FCGR3B: variants seen among roughly 807,000 people sequenced by gnomAD.
FCGR3B encodes the protein low affinity immunoglobulin gamma Fc region receptor III-B.
FCGR3B carries 20 observed loss-of-function variants against 26.7 expected under a neutral mutation model. The observed-to-expected ratio is 0.75, with a 90% CI of 0.53 to 1.09. The LOEUF (loss-of-function observed/expected upper bound fraction) is 1.09. FCGR3B is among the 50% of genes least tolerant of loss of function. The pLI is 0.00. For missense variants in FCGR3B, 191 were observed against 279.7 expected (o/e 0.68, Z 2.26); for synonymous variants, 79 against 107.0 (o/e 0.74, Z 1.62).
chr1:161,625,861 GAC>G (rs1456199405), intron 4 of FCGR3B, among the ~76,000 whole-genome samples: 1 of 147,994 alleles, frequency 6.8e-6, no homozygotes, highest in Non-Finnish European at 1.5e-5. Flanking sequence ...GGTAAGGAAA[GAC>G]AGAGGTATTT....
rs536720275 is a variant in FCGR3B, at chr1:161,624,115, T to C, written c.*400A>G. 1.9e-3 allele frequency: 329 copies of C among 172,396 alleles called. 14 individuals are homozygous for C. The highest frequency in any genetic ancestry group is 3.2e-3 in the Non-Finnish European group (257 of 81,178). 10.7% of individuals were successfully genotyped at this position (172,396 alleles called of 1,614,324 possible). A position where few individuals can be genotyped will look rare whatever the true frequency, so the allele number is the denominator to read the frequency against. ...TCCCTCTAAACTGGGTAATTTATAA[T>C]ACGAGCAATTTTTGTATGTTTAAAG... is the stretch of plus-strand genomic sequence containing the variant. On this transcript the variant is annotated 3_prime_UTR_variant, in exon 5 of 5. Coordinates refer to ENST00000650385, the MANE Select transcript of FCGR3B (RefSeq NM_001244753.2).
Position 161,624,468 on chromosome 1 carries a change from T to C in FCGR3B, c.*47A>G, listed in dbSNP as rs376757069. ...GGATGGGGGTCATGTGTCTTGAGGG[T>C]CCTTTCTCCATTTAAGTTTATGGTC... On this transcript the variant is annotated 3_prime_UTR_variant, in exon 5 of 5. Coordinates refer to ENST00000650385, the MANE Select transcript of FCGR3B (RefSeq NM_001244753.2). 12 of 1,590,858 alleles carry C rather than the reference T, an allele frequency of 7.5e-6. No individual in the cohort carries two copies. The highest frequency in any genetic ancestry group is 6.9e-5 in the African/African-American group (5 of 72,270).
chr1:161,628,286 A>AAAAC (rs575858540), intron 3 of FCGR3B, among the ~76,000 whole-genome samples: 1,847 of 149,844 alleles, frequency 0.012, 4 homozygotes, highest in Non-Finnish European at 0.019. Context: ...AACAAAAACA[A>AAAAC]AAACAAACAA....
upstream of FCGR3B, chr1:161,631,471 A>G (rs115802971): frequency 0.015 from 7,485 of 507,018 alleles, 856 homozygotes; most frequent in African/African-American, 0.13. Context: ...ATGGGACAGC[A>G]AGACCCTGGG....
upstream of FCGR3B, chr1:161,631,263 C>G (rs529061019): frequency 5.3e-4 from 775 of 1,475,294 alleles, 23 homozygotes; most frequent in African/African-American, 1.7e-3. Flanking sequence ...TCTGAAGTCT[C>G]GCAATGGAGC....
At chr1:161,631,462 T>C (rs1679749636), upstream of FCGR3B, 1 of 518,642 alleles carries the variant, frequency 1.9e-6, no homozygotes, top group Non-Finnish European at 3.4e-6. Flanking sequence ...GCACCAAGAA[T>C]GGGACAGCAA....
rs2102591181 is a variant in FCGR3B at position 161,627,810 on chromosome 1, C to T, written c.320-1408G>A. Reference sequence around the variant, plus strand: ...TATGACACACTGTGGACTGGAGATACCCAGATGATGGGACATATAGTTCTC... The same window carrying T: ...TATGACACACTGTGGACTGGAGATATCCAGATGATGGGACATATAGTTCTC... On this transcript the variant is annotated intron_variant, in intron 3 of 4. Coordinates refer to ENST00000650385, the MANE Select transcript of FCGR3B (RefSeq NM_001244753.2). Among the ~76,000 whole-genome samples the T allele has an allele frequency of 1.3e-5, 2 of 150,128 alleles. 1 individual carries two copies. The highest frequency in any genetic ancestry group is 3.9e-4 in the East Asian group (2 of 5,154).
rs1303287678 is a variant in FCGR3B at position 161,629,972 on chromosome 1, C to G, written c.125G>C (p.Ser42Thr). 2 of 1,379,158 alleles carry G rather than the reference C, an allele frequency of 1.5e-6. No individual in the cohort carries two copies. Among genetic ancestry groups the G allele is most frequent in the Non-Finnish European group, 9.6e-7 (1 of 1,038,772 alleles). The allele number at this position is 1,379,158 out of a possible 1,614,324, so 85.4% of individuals were successfully genotyped here. The change falls in exon 3 of 5, where the codon AGT becomes ACT. Residue 42 changes from serine (S) to threonine (T), a missense_variant. Ser to Thr is a moderately conservative substitution (Grantham distance 58). Transcript: ENST00000650385. ...PQWYSVLEKDSVTLKCQGAYS... is the reference protein window; with the variant it reads ...PQWYSVLEKDTVTLKCQGAYS... ...GGCTCCCTGGCACTTCAGAGTCACA[C>G]TGTCCTTCTCAAGCACGCTGTACCA...
In FCGR3B at chr1:161,630,840, T is replaced by A. The variant is rs1414870342; in HGVS notation, c.40+215A>T. 1.9e-5 allele frequency: 21 copies of A among 1,129,094 alleles called. 1 individual carries two copies. The highest frequency in any genetic ancestry group is 6.2e-5 in the Admixed American group (2 of 32,332). The allele number at this position is 1,129,094 out of a possible 1,614,324, so 69.9% of individuals were successfully genotyped here. Reference sequence around the variant, plus strand: ...GATTCTGGGACCCAGAGGGGTGAAGTGACTGGCCTCACTCATGACTATGAC... The same window carrying A: ...GATTCTGGGACCCAGAGGGGTGAAGAGACTGGCCTCACTCATGACTATGAC... On this transcript the variant is annotated intron_variant, in intron 1 of 4. Transcript: ENST00000650385.
intron 4 of FCGR3B, among the ~76,000 whole-genome samples, chr1:161,625,060 A>T (rs1570980269): frequency 7.0e-6 from 1 of 143,792 alleles, no homozygotes; most frequent in East Asian, 1.9e-4. Context: ...TAGTATAAAG[A>T]AATCTCGTAT....
intron 1 of FCGR3B, chr1:161,630,792 G>T: frequency 2.9e-6 from 2 of 699,952 alleles, no homozygotes; most frequent in Admixed American, 6.5e-5. Context: ...CCATCTAGTC[G>T]AAGCTCTTTG....
At chr1:161,627,486 T>C (rs571388332) in intron 3 of FCGR3B, among the ~76,000 whole-genome samples, 1 of 150,710 alleles carries the variant, frequency 6.6e-6, no homozygotes, top group South Asian at 2.1e-4. Context: ...TACTACCTGA[T>C]GCTAAACAAA....
rs1165252392 is a variant in FCGR3B at position 161,623,785 on chromosome 1, A to G, written c.*730T>C. On this transcript the variant is annotated 3_prime_UTR_variant, in exon 5 of 5. Coordinates refer to ENST00000650385, the MANE Select transcript of FCGR3B (RefSeq NM_001244753.2). ...TTCTACTCCTAGCATTAGAGGACTC[A>G]TCGTTATATACTTGGAAATGGTCCA... The G allele has an allele frequency of 7.2e-6, 1 of 139,476 alleles. No individual in the cohort carries two copies. Among genetic ancestry groups the G allele is most frequent in the Non-Finnish European group, 1.5e-5 (1 of 66,346 alleles). 8.6% of individuals were successfully genotyped at this position (139,476 alleles called of 1,614,324 possible). A position where few individuals can be genotyped will look rare whatever the true frequency, so the allele number is the denominator to read the frequency against.
intron 1 of FCGR3B, among the ~76,000 whole-genome samples, 169 bp from the exon 2 acceptor site, chr1:161,630,557 C>T (rs1274817773): frequency 6.9e-6 from 1 of 144,358 alleles, no homozygotes; most frequent in Non-Finnish European, 1.5e-5. Flanking sequence ...CTGGTCTCCA[C>T]TGTTCATGCC....
intron 3 of FCGR3B, among the ~76,000 whole-genome samples, chr1:161,627,025 C>T (rs1679501450): frequency 6.7e-6 from 1 of 150,022 alleles, no homozygotes; most frequent in Non-Finnish European, 1.5e-5. Flanking sequence ...GTGAGACCAA[C>T]TTTATTACTG....
At position 161,624,351 on chromosome 1, in the gene FCGR3B, C is replaced by T; in HGVS notation, c.*164G>A. 1 of 806,136 alleles carries T rather than the reference C, an allele frequency of 1.2e-6. No homozygotes were observed. The highest frequency in any genetic ancestry group is 1.9e-6 in the Non-Finnish European group (1 of 514,180). 49.9% of individuals were successfully genotyped at this position (806,136 alleles called of 1,614,324 possible). ...GATCTGGCTCTGAGTTCTATGTTTC[C>T]TGCTGCTTGTAGAGAGGCCTGAGGA... On this transcript the variant is annotated 3_prime_UTR_variant, in exon 5 of 5. Coordinates refer to ENST00000650385, the MANE Select transcript of FCGR3B (RefSeq NM_001244753.2).
intron 4 of FCGR3B, among the ~76,000 whole-genome samples, chr1:161,625,339 T>G (rs1438849781): frequency 7.2e-6 from 1 of 138,472 alleles, no homozygotes; most frequent in Non-Finnish European, 1.5e-5. Flanking sequence ...GAGCTCTGAT[T>G]CTGGAGGCTG....
In FCGR3B at chr1:161,627,768, A is replaced by C. The variant is rs181791721; in HGVS notation, c.320-1366T>G. On this transcript the variant is annotated intron_variant, in intron 3 of 4. Coordinates refer to ENST00000650385, the MANE Select transcript of FCGR3B (RefSeq NM_001244753.2). ...TGTATATTCCTTCAAGTGATATTTC[A>C]TCAAGCACTCACTATGTATGACACA... Among the ~76,000 whole-genome samples the C allele has an allele frequency of 3.8e-4, 57 of 150,354 alleles. 2 individuals carry two copies. The East Asian group carries it at 0.01, about 27-fold the overall frequency.
At chr1:161,630,236 T>A in intron 2 of FCGR3B, 132 bp downstream of exon 2, 1 of 895,624 alleles carries the variant, frequency 1.1e-6, no homozygotes, top group Non-Finnish European at 1.8e-6. Flanking sequence ...CAAGTTCTGC[T>A]GTGTTGGAGG....
Sources: gnomAD v4.1 joint callset for allele counts (sites outside exome capture counted in the v4.1 genomes callset) on GRCh38, gnomAD v4.1.1 for gene constraint, MANE v1.5 for transcripts, NCBI Gene and HGNC (gene_info 2026-07-23, HGNC 2026-07-21) for gene names.